The following CADPS2 variants were observed in gnomAD, a reference collection of about 807,000 sequenced individuals.
CADPS2 encodes calcium-dependent secretion activator 2.
A neutral mutation model predicts 172.5 loss-of-function variants in CADPS2; 93 were observed. The observed-to-expected ratio is 0.54, with a 90% CI of 0.46 to 0.64. The LOEUF (loss-of-function observed/expected upper bound fraction) is 0.64, where lower values mean the gene tolerates loss of function less well. CADPS2 is among the 30% of genes least tolerant of loss of function. The pLI, the probability that CADPS2 is intolerant of heterozygous loss-of-function variation, is 0.00. For synonymous variants in CADPS2, 546 were observed against 555.2 expected, an observed-to-expected ratio of 0.98 and a Z score of 0.23; for missense variants, 1,420 against 1,565.9, an observed-to-expected ratio of 0.91 and a Z score of 1.57.
rs1480005455 is a variant in CADPS2 at position 122,320,076 on chromosome 7, A to T, written c.*89T>A. ...CAAGCATTTTTATTTGGCCAAAACA[A>T]ACAATGAATGTAATTACAAGGACAA... On this transcript the variant is annotated 3_prime_UTR_variant, in exon 30 of 30. Coordinates refer to ENST00000449022, the MANE Select transcript of CADPS2 (RefSeq NM_017954.11). 1.6e-6 allele frequency: 2 copies of T among 1,256,346 alleles called. No homozygotes were observed. The highest frequency in any genetic ancestry group is 2.1e-6 in the Non-Finnish European group (2 of 963,174). 77.8% of individuals were successfully genotyped at this position (1,256,346 alleles called of 1,614,324 possible). A position where few individuals can be genotyped will look rare whatever the true frequency, so the allele number is the denominator to read the frequency against.
At chr7:122,517,322 T>G (rs1208581384) in intron 8 of CADPS2, among the ~76,000 whole-genome samples, 1 of 152,146 alleles carries the variant, frequency 6.6e-6, no homozygotes, top group Non-Finnish European at 1.5e-5. Context: ...TTAAGTTGTT[T>G]TCACTTCTTT....
Position 122,886,301 on chromosome 7 carries a change from C to A in CADPS2, c.37G>T (p.Glu13Ter). ...TCGCGGCTTTCCTCTTCCAGCCCCTCGTCCGACTCCTCTTCGCTGGAAGAC... is the reference window on the plus strand; with the variant it reads ...TCGCGGCTTTCCTCTTCCAGCCCCTAGTCCGACTCCTCTTCGCTGGAAGAC... ...DPSSSEEESDEGLEEESRDVL... is the reference protein window; with the variant it reads ...DPSSSEEESD The change falls in exon 1 of 30, where the codon GAG becomes TAG. Residue 13 changes from glutamate to a stop codon, truncating the protein, a stop_gained. Transcript: ENST00000449022. LOFTEE classifies it high-confidence loss of function. 1 of 1,503,832 alleles carries A rather than the reference C, an allele frequency of 6.6e-7. No homozygotes were observed. Among genetic ancestry groups the A allele is most frequent in the South Asian group, 1.2e-5 (1 of 81,034 alleles). 93.2% of individuals were successfully genotyped at this position (1,503,832 alleles called of 1,614,324 possible).
chr7:122,825,896 G>A (rs1015660538), intron 1 of CADPS2, among the ~76,000 whole-genome samples: 35 of 152,148 alleles, frequency 2.3e-4, no homozygotes, highest in Admixed American at 2.2e-3. Context: ...AAGTGGGAGC[G>A]TAGAATTCTG....
intron 2 of CADPS2, among the ~76,000 whole-genome samples, chr7:122,679,928 A>G (rs2082843276): frequency 6.6e-6 from 1 of 152,208 alleles, no homozygotes; most frequent in African/African-American, 2.4e-5. Context: ...TTAGTTTTAG[A>G]GAGGGACTAT....
chr7:122,855,541 G>A (rs1215662467), intron 1 of CADPS2, among the ~76,000 whole-genome samples: 6 of 152,106 alleles, frequency 3.9e-5, no homozygotes, highest in Non-Finnish European at 8.8e-5. Flanking sequence ...GATGTCATGG[G>A]GAGTCTGACC....
chr7:122,544,515 A>G (rs1233045549), intron 8 of CADPS2, among the ~76,000 whole-genome samples: 2 of 152,064 alleles, frequency 1.3e-5, no homozygotes, highest in Non-Finnish European at 2.9e-5. Flanking sequence ...GCCATGACCA[A>G]CTCGTGGGTC....
chr7:122,664,467 T>C (rs954662442), intron 2 of CADPS2, among the ~76,000 whole-genome samples: 2 of 152,128 alleles, frequency 1.3e-5, no homozygotes, highest in African/African-American at 4.8e-5. Context: ...AAGATGTTCA[T>C]GAGACAGGTA....
intron 1 of CADPS2, among the ~76,000 whole-genome samples, chr7:122,844,145 G>A (rs960557015): frequency 6.6e-6 from 1 of 152,210 alleles, no homozygotes; most frequent in African/African-American, 2.4e-5. Flanking sequence ...GGGACAGGAC[G>A]AGCCTCACCT....
chr7:122,619,916 A>G (rs1158956231), intron 5 of CADPS2, among the ~76,000 whole-genome samples: 1 of 152,228 alleles, frequency 6.6e-6, no homozygotes, highest in Non-Finnish European at 1.5e-5. Flanking sequence ...CTTGAGTCAG[A>G]AGAAAGACTC....
intron 1 of CADPS2, among the ~76,000 whole-genome samples, chr7:122,787,082 T>C (rs1171789155): frequency 1.3e-5 from 2 of 152,162 alleles, no homozygotes; most frequent in African/African-American, 4.8e-5. Flanking sequence ...ATTTAAATAT[T>C]ATCTAGAGAA....
At chr7:122,665,796 A>T (rs2081129616) in intron 2 of CADPS2, among the ~76,000 whole-genome samples, 1 of 152,166 alleles carries the variant, frequency 6.6e-6, no homozygotes, top group East Asian at 1.9e-4. Flanking sequence ...CACATTCCCA[A>T]AATGCTTCCT....
At chr7:122,803,914 C>T (rs1489726690) in intron 1 of CADPS2, among the ~76,000 whole-genome samples, 3 of 142,634 alleles carry the variant, frequency 2.1e-5, no homozygotes, top group Non-Finnish European at 4.5e-5. Flanking sequence ...AATTCCTGTA[C>T]TTAGGATCCC....
At chr7:122,726,867 C>T (rs2091158192) in intron 2 of CADPS2, among the ~76,000 whole-genome samples, 1 of 150,382 alleles carries the variant, frequency 6.6e-6, no homozygotes, top group Admixed American at 6.6e-5. Flanking sequence ...ATTACTTAAC[C>T]TTAAGCTGAC....
At position 122,373,414 on chromosome 7, in the gene CADPS2, G is replaced by A. The variant is rs934333883; in HGVS notation, c.3387+5954C>T. ...TCTCAGGTAATTTTTTTGTGTATGTGTGCTAACATTTAAGAATCATTGCCT... is the reference window on the plus strand; with the variant it reads ...TCTCAGGTAATTTTTTTGTGTATGTATGCTAACATTTAAGAATCATTGCCT... On this transcript the variant is annotated intron_variant, in intron 25 of 29. Coordinates refer to ENST00000449022, the MANE Select transcript of CADPS2 (RefSeq NM_017954.11). Among the ~76,000 whole-genome samples the A allele has an allele frequency of 3.9e-5, 6 of 152,100 alleles. No homozygotes were observed. In the East Asian group the frequency reaches 7.7e-4, roughly 20 times the overall value.
At chr7:122,484,236 A>C (rs563326357) in intron 11 of CADPS2, among the ~76,000 whole-genome samples, 2 of 152,210 alleles carry the variant, frequency 1.3e-5, no homozygotes, top group Non-Finnish European at 2.9e-5. Flanking sequence ...AGAGAAATCA[A>C]TTTGGAGGAC....
intron 1 of CADPS2, chr7:122,850,364 G>C (rs997974754): frequency 5.4e-6 from 2 of 372,844 alleles, no homozygotes; most frequent in African/African-American, 2.1e-5. Context: ...CACCACCTAG[G>C]GGGGTGACAC....
intron 1 of CADPS2, among the ~76,000 whole-genome samples, chr7:122,813,830 C>A (rs1322590262): frequency 1.3e-5 from 2 of 151,980 alleles, no homozygotes; most frequent in African/African-American, 2.4e-5. Context: ...TATGTACTAA[C>A]TTCCCATTTT....
At chr7:122,393,617 G>A in intron 20 of CADPS2, 35 bp from the exon 21 acceptor site, 6 of 1,612,190 alleles carry the variant, frequency 3.7e-6, no homozygotes, top group South Asian at 1.1e-5. Context: ...GTTTGTCAGA[G>A]GGATAATATC....
chr7:122,827,859 A>G (rs1386318262), intron 1 of CADPS2, among the ~76,000 whole-genome samples: 2 of 152,190 alleles, frequency 1.3e-5, no homozygotes, highest in Non-Finnish European at 2.9e-5. Context: ...ATTCAGCAAC[A>G]CATAAAAAGA....
Sources: gnomAD v4.1 joint callset for allele counts (sites outside exome capture counted in the v4.1 genomes callset) on GRCh38, gnomAD v4.1.1 for gene constraint, MANE v1.5 for transcripts, NCBI Gene and HGNC (gene_info 2026-07-23, HGNC 2026-07-21) for gene names.